ARID2: variants seen among roughly 807,000 people sequenced by gnomAD.
ARID2 encodes AT-rich interaction domain 2, also known as AT-rich interactive domain-containing protein 2.
A neutral mutation model predicts 184.6 loss-of-function variants in ARID2; 32 were observed. The observed-to-expected ratio is 0.17, with a 90% CI of 0.13 to 0.23. The LOEUF is 0.23. ARID2 is among the 10% of genes least tolerant of loss of function. The pLI is 1.00. For missense variants in ARID2, 1,696 were observed against 2,197.6 expected, an observed-to-expected ratio of 0.77 and a Z score of 4.56; for synonymous variants, 836 against 772.6, an observed-to-expected ratio of 1.08 and a Z score of -1.36.
At chr12:45,856,066 T>TC (rs1943642068) in intron 15 of ARID2, among the ~76,000 whole-genome samples, 1 of 141,470 alleles carries the variant, frequency 7.1e-6, no homozygotes, top group African/African-American at 2.7e-5. Context: ...TTTCTTCTTT[T>TC]CTTTTTTTTT....
intron 18 of ARID2, 137 bp from the exon 19 acceptor site, chr12:45,893,283 C>T: frequency 9.6e-7 from 1 of 1,039,862 alleles, no homozygotes; most frequent in South Asian, 2.0e-5. Context: ...TAATGCTAGA[C>T]CATTGGACCT....
chr12:45,743,165 G>A (rs575846225), intron 3 of ARID2, among the ~76,000 whole-genome samples: 3 of 151,304 alleles, frequency 2.0e-5, no homozygotes, highest in South Asian at 4.2e-4. Flanking sequence ...CAGCCTGGCC[G>A]AGATAGTGAA....
chr12:45,762,238 A>G (rs1019906379), intron 3 of ARID2, among the ~76,000 whole-genome samples: 2 of 152,142 alleles, frequency 1.3e-5, no homozygotes, highest in Non-Finnish European at 1.5e-5. Flanking sequence ...TAAATCTTCT[A>G]TAATCATAAA....
chr12:45,785,346 C>T (rs1942176358), intron 3 of ARID2, among the ~76,000 whole-genome samples: 1 of 152,152 alleles, frequency 6.6e-6, no homozygotes, highest in South Asian at 2.1e-4. Context: ...TAATTGGTAA[C>T]TAATATCATC....
intron 20 of ARID2, among the ~76,000 whole-genome samples, chr12:45,896,196 A>G (rs926370754): frequency 6.6e-6 from 1 of 152,220 alleles, no homozygotes; most frequent in Non-Finnish European, 1.5e-5. Context: ...CCTAAAACCC[A>G]AAGAACCTTG....
intron 3 of ARID2, among the ~76,000 whole-genome samples, chr12:45,734,528 A>T (rs541353532): frequency 2.6e-5 from 4 of 152,020 alleles, no homozygotes; most frequent in Non-Finnish European, 4.4e-5. Context: ...GTATGAAAGG[A>T]TAAGGTATAG....
chr12:45,904,231 A>AGTCTTC, intron 20 of ARID2: 1 of 609,046 alleles, frequency 1.6e-6, no homozygotes, highest in Non-Finnish European at 3.0e-6. Context: ...AATGAAGACT[A>AGTCTTC]AGAAGCTTTA....
intron 6 of ARID2, among the ~76,000 whole-genome samples, chr12:45,824,822 C>CT (rs1460550305): frequency 2.0e-5 from 3 of 150,814 alleles, no homozygotes; most frequent in African/African-American, 7.3e-5. Context: ...ATGAAATTGA[C>CT]TGAAGTATCC....
At chr12:45,771,501 C>CA (rs60579820) in intron 3 of ARID2, among the ~76,000 whole-genome samples, 1,824 of 123,070 alleles carry the variant, frequency 0.015, 33 homozygotes, top group African/African-American at 0.04. Context: ...TCTGTTTTTA[C>CA]AAAAAAAAAA....
chr12:45,837,209 CA>C (rs1158453911), intron 8 of ARID2, 111 bp from the exon 9 acceptor site: 17 of 1,172,912 alleles, frequency 1.4e-5, no homozygotes, highest in African/African-American at 3.1e-5. Flanking sequence ...TTTACAATAA[CA>C]TTTTTTAACG....
chr12:45,892,167 G>A lies in ARID2; in HGVS notation c.5147+71G>A, dbSNP rs1270204494. ...TAGGCAAAACACAAGAAAATGAAACGCAACTTAGCATATTAGGAGACCAGA... is the reference window on the plus strand; with the variant it reads ...TAGGCAAAACACAAGAAAATGAAACACAACTTAGCATATTAGGAGACCAGA... On this transcript the variant is annotated intron_variant, in intron 18 of 20. Coordinates refer to ENST00000334344, the MANE Select transcript of ARID2 (RefSeq NM_152641.4). 4.4e-5 allele frequency: 64 copies of A among 1,458,554 alleles called. 2 individuals are homozygous for A. The highest frequency in any genetic ancestry group is 2.4e-4 in the South Asian group (19 of 78,282). The allele number at this position is 1,458,554 out of a possible 1,614,324, so 90.4% of individuals were successfully genotyped here.
chr12:45,821,029 A>G (rs780279412), intron 5 of ARID2, among the ~76,000 whole-genome samples: 7 of 152,184 alleles, frequency 4.6e-5, no homozygotes, highest in Non-Finnish European at 1.0e-4. Flanking sequence ...GAATTATGCA[A>G]GTATTTCTGA....
chr12:45,768,970 C>G (rs901434397), intron 3 of ARID2, among the ~76,000 whole-genome samples: 1 of 152,130 alleles, frequency 6.6e-6, no homozygotes, highest in Non-Finnish European at 1.5e-5. Flanking sequence ...GCTGTGCCTC[C>G]TGAGGAGGAA....
At chr12:45,824,560 G>T (rs1212363311) in intron 6 of ARID2, among the ~76,000 whole-genome samples, 2 of 151,996 alleles carry the variant, frequency 1.3e-5, no homozygotes, top group Non-Finnish European at 2.9e-5. Flanking sequence ...AAATGTAAAT[G>T]AGAACCACAA....
intron 3 of ARID2, among the ~76,000 whole-genome samples, chr12:45,766,890 C>T (rs985925820): frequency 7.3e-5 from 11 of 150,332 alleles, no homozygotes; most frequent in Non-Finnish European, 1.6e-4. Flanking sequence ...ATCACTTGAA[C>T]CTGGGAGGCA....
chr12:45,750,114 T>G (rs552714881), intron 3 of ARID2, among the ~76,000 whole-genome samples: 4 of 152,230 alleles, frequency 2.6e-5, no homozygotes, highest in Non-Finnish European at 5.9e-5. Flanking sequence ...CGTAATCATT[T>G]CTAGCTTTTG....
rs1944435968 is a variant in ARID2, at chr12:45,899,939, CACTTT to C, written c.5364-4989_5364-4985del. ...AAATTGGATAAACCTCTCTTCTTCC[CACTTT>C]ACTTTTACCTCATCATATTATTGTT... On this transcript the variant is annotated intron_variant, in intron 20 of 20. Transcript: ENST00000334344. Among the ~76,000 whole-genome samples, 3 of 151,930 alleles carry C rather than the reference CACTTT, an allele frequency of 2.0e-5. No individual in the cohort carries two copies. The East Asian group carries it at 5.8e-4, about 29-fold the overall frequency.
chr12:45,816,906 CTT>C (rs1248096156), intron 4 of ARID2, among the ~76,000 whole-genome samples: 1 of 152,156 alleles, frequency 6.6e-6, no homozygotes, highest in African/African-American at 2.4e-5. Context: ...GCATGAGAAA[CTT>C]TTTGTAGTGA....
At chr12:45,848,023 G>T (rs1943475656) in intron 12 of ARID2, among the ~76,000 whole-genome samples, 1 of 151,954 alleles carries the variant, frequency 6.6e-6, no homozygotes, top group Admixed American at 6.6e-5. Context: ...ATGTGTATGT[G>T]TTAAGCATAG....
Sources: gnomAD v4.1 joint callset for allele counts (sites outside exome capture counted in the v4.1 genomes callset) on GRCh38, gnomAD v4.1.1 for gene constraint, MANE v1.5 for transcripts, NCBI Gene and HGNC (gene_info 2026-07-23, HGNC 2026-07-21) for gene names.